Variants in UGGT2 observed in about 807,000 individuals in gnomAD.
UGGT2 encodes the protein UDP-glucose:glycoprotein glucosyltransferase 2.
A neutral mutation model predicts 192.1 loss-of-function variants in UGGT2; 180 were observed. The ratio of observed to expected loss-of-function variants is 0.94; its 90% CI spans 0.83 to 1.06. UGGT2 has a LOEUF of 1.06. Among genes scored for constraint, UGGT2 ranks in the 50% least tolerant of loss-of-function variants. The pLI is 0.00. For synonymous variants in UGGT2, 580 were observed against 591.0 expected (o/e 0.98, Z 0.27); for missense variants, 1,849 against 1,795.7 (o/e 1.03, Z -0.54).
chr13:96,025,416 G>A (rs912193628), intron 2 of UGGT2, among the ~76,000 whole-genome samples: 3 of 152,136 alleles, frequency 2.0e-5, no homozygotes, highest in Non-Finnish European at 4.4e-5. Context: ...AAGGTTATAG[G>A]CCAAGGGAAA....
At chr13:95,855,652 G>A (rs996435826) in intron 34 of UGGT2, among the ~76,000 whole-genome samples, 2 of 151,994 alleles carry the variant, frequency 1.3e-5, no homozygotes, top group Admixed American at 6.6e-5. Context: ...GCCTCCAAAA[G>A]TGCTGAGACT....
chr13:95,813,410 G>A (rs1461609657), intron 38 of UGGT2, among the ~76,000 whole-genome samples: 2 of 152,134 alleles, frequency 1.3e-5, no homozygotes, highest in African/African-American at 4.8e-5. Context: ...AGGGATCTGT[G>A]GAAGTTTGAC....
intron 38 of UGGT2, among the ~76,000 whole-genome samples, chr13:95,830,648 T>C (rs1043034648): frequency 6.6e-5 from 10 of 152,102 alleles, no homozygotes; most frequent in Non-Finnish European, 1.0e-4. Flanking sequence ...GGAGAGGATG[T>C]GGAGAAATAG....
At chr13:95,972,136 ATT>A (rs10568232) in intron 11 of UGGT2, among the ~76,000 whole-genome samples, 74,012 of 141,846 alleles carry the variant, frequency 0.52, 18,977 homozygotes, top group African/African-American at 0.66. Flanking sequence ...ATTTTGAAGA[ATT>A]TTTTTTTTTT....
chr13:95,836,179 G>C (rs1887266893), intron 37 of UGGT2, among the ~76,000 whole-genome samples: 1 of 152,182 alleles, frequency 6.6e-6, no homozygotes, highest in South Asian at 2.1e-4. Flanking sequence ...CTCCTGAGTA[G>C]CTGGGACTAC....
intron 20 of UGGT2, among the ~76,000 whole-genome samples, chr13:95,916,053 C>T (rs1286552453): frequency 6.6e-6 from 1 of 152,202 alleles, no homozygotes. Flanking sequence ...CAACAAGCAG[C>T]CAGACTGCCT....
chr13:95,929,367 G>C (rs2049162503), intron 17 of UGGT2, among the ~76,000 whole-genome samples: 1 of 152,190 alleles, frequency 6.6e-6, no homozygotes, highest in South Asian at 2.1e-4. Flanking sequence ...ATGTAATGCT[G>C]AAGTTGGGGT....
At chr13:95,841,289 A>T (rs762332299) in intron 36 of UGGT2, among the ~76,000 whole-genome samples, 1 of 152,174 alleles carries the variant, frequency 6.6e-6, no homozygotes, top group Non-Finnish European at 1.5e-5. Context: ...CACTTTGTAA[A>T]TTGGTTATTT....
chr13:95,847,700 A>C (rs777374801), intron 36 of UGGT2, among the ~76,000 whole-genome samples: 5 of 152,120 alleles, frequency 3.3e-5, no homozygotes, highest in Non-Finnish European at 5.9e-5. Context: ...TTACTGATTC[A>C]CCTACTAAAA....
intron 38 of UGGT2, among the ~76,000 whole-genome samples, chr13:95,814,436 GT>G (rs1884720429): frequency 6.6e-6 from 1 of 152,228 alleles, no homozygotes; most frequent in Non-Finnish European, 1.5e-5. Context: ...GCCCTGCTGG[GT>G]TTTGGACCTG....
rs1041433245 is a variant in UGGT2, at chr13:95,853,485, G to A, written c.4284+58C>T. The A allele has an allele frequency of 1.3e-5, 17 of 1,357,740 alleles. 1 individual carries two copies. The highest frequency in any genetic ancestry group is 3.0e-5 in the African/African-American group (2 of 66,608). The allele number at this position is 1,357,740 out of a possible 1,614,324, so 84.1% of individuals were successfully genotyped here. ...ATAAGACTTTAAAGTTTATGAGCAC[G>A]GAGTTGGAACAGTCTATGTACACAC... On this transcript the variant is annotated intron_variant, in intron 36 of 38. Transcript: ENST00000376747.
At chr13:95,910,745 A>G (rs2048466639) in intron 20 of UGGT2, among the ~76,000 whole-genome samples, 1 of 152,190 alleles carries the variant, frequency 6.6e-6, no homozygotes, top group Admixed American at 6.5e-5. Flanking sequence ...GACCTAACAG[A>G]CATCTACAGA....
chr13:95,965,598 G>C (rs533149375), intron 12 of UGGT2, among the ~76,000 whole-genome samples: 1 of 127,552 alleles, frequency 7.8e-6, no homozygotes, highest in African/African-American at 2.9e-5. Flanking sequence ...GTTGTGGGGT[G>C]GGGGGAGGGG....
chr13:95,948,142 T>G, intron 13 of UGGT2, 61 bp from the exon 14 acceptor site: 1 of 1,370,694 alleles, frequency 7.3e-7, no homozygotes, highest in Non-Finnish European at 1.0e-6. Flanking sequence ...GAAATTCAAG[T>G]TTAGACTAAT....
At chr13:96,022,701 T>C (rs1456642048) in intron 4 of UGGT2, among the ~76,000 whole-genome samples, 2 of 152,004 alleles carry the variant, frequency 1.3e-5, no homozygotes, top group African/African-American at 4.8e-5. Flanking sequence ...ACCTCATCTA[T>C]TGTTTTGATT....
intron 10 of UGGT2, among the ~76,000 whole-genome samples, chr13:95,980,576 C>T (rs191941712): frequency 6.6e-6 from 1 of 152,308 alleles, no homozygotes; most frequent in Admixed American, 6.5e-5. Context: ...TAACTAAACA[C>T]CATCTGTTCC....
At chr13:95,867,559 T>C (rs947276567) in intron 29 of UGGT2, 136 bp from the exon 30 acceptor site, 33 of 607,424 alleles carry the variant, frequency 5.4e-5, no homozygotes, top group African/African-American at 4.8e-4. Context: ...TCTGTTTCTA[T>C]AGTCAATTAA....
Position 95,926,957 on chromosome 13 carries a change from T to C in UGGT2, c.2200+71A>G, listed in dbSNP as rs191920720. 5.4e-5 allele frequency: 73 copies of C among 1,360,120 alleles called. No homozygotes were observed. In the East Asian group the frequency reaches 1.5e-3, roughly 28 times the overall value. 84.3% of individuals were successfully genotyped at this position (1,360,120 alleles called of 1,614,324 possible). ...AATAGCAACATATTAAAATTTATTA[T>C]ACAACTGCCTTATGAACATTACAAG... On this transcript the variant is annotated intron_variant, in intron 19 of 38. Coordinates refer to ENST00000376747, the MANE Select transcript of UGGT2 (RefSeq NM_020121.4).
intron 36 of UGGT2, among the ~76,000 whole-genome samples, chr13:95,841,924 T>G (rs943338893): frequency 2.0e-5 from 3 of 152,194 alleles, no homozygotes; most frequent in African/African-American, 7.2e-5. Flanking sequence ...TTGTCTAGCA[T>G]AGTTGTTAAA....
Sources: allele counts gnomAD v4.1 joint callset (sites outside exome capture counted in the v4.1 genomes callset), GRCh38; gene constraint gnomAD v4.1.1; transcripts MANE v1.5; gene names NCBI Gene and HGNC (gene_info 2026-07-23, HGNC 2026-07-21).